The following TMEM117 variants were observed in gnomAD, a reference collection of about 807,000 sequenced individuals.
TMEM117 encodes the protein transmembrane protein 117.
Under a neutral mutation model 52.4 loss-of-function variants are expected in TMEM117, and 27 were observed. The ratio of observed to expected loss-of-function variants is 0.51; its 90% CI spans 0.38 to 0.71. The LOEUF is 0.71. TMEM117 is among the 30% of genes least tolerant of loss of function. The pLI is 0.00. For synonymous variants in TMEM117, 215 were observed against 206.3 expected (o/e 1.04, Z -0.36); for missense variants, 556 against 630.5 (o/e 0.88, Z 1.26).
rs188064887 is a variant in TMEM117, at chr12:44,129,382, G to A, written c.411-14143G>A. 1.5e-3 allele frequency among the ~76,000 whole-genome samples: 226 copies of A among 152,266 alleles called. 2 individuals are homozygous for A. Among genetic ancestry groups the A allele is most frequent in the African/African-American group, 5.1e-3 (212 of 41,524 alleles). ...AAGCCTGTGTGCTTCCCATCTTGGGGAGCAGATCTCCTCTTTTCCTCCCTG... is the reference window on the plus strand; with the variant it reads ...AAGCCTGTGTGCTTCCCATCTTGGGAAGCAGATCTCCTCTTTTCCTCCCTG... On this transcript the variant is annotated intron_variant, in intron 3 of 7. Coordinates refer to ENST00000266534, the MANE Select transcript of TMEM117 (RefSeq NM_032256.3).
intron 5 of TMEM117, among the ~76,000 whole-genome samples, chr12:44,237,736 CT>C (rs1316827146): frequency 1.3e-5 from 2 of 151,732 alleles, no homozygotes; most frequent in African/African-American, 4.8e-5. Context: ...AAAAACAAAA[CT>C]GGGACTATAG....
At chr12:43,837,510 C>A (rs539522976) in intron 1 of TMEM117, among the ~76,000 whole-genome samples, 1 of 152,152 alleles carries the variant, frequency 6.6e-6, no homozygotes, top group South Asian at 2.1e-4. Flanking sequence ...CCATGCCTGG[C>A]TAATTTTTGT....
intron 6 of TMEM117, among the ~76,000 whole-genome samples, chr12:44,358,878 C>G (rs1165563396): frequency 6.6e-6 from 1 of 152,052 alleles, no homozygotes; most frequent in Non-Finnish European, 1.5e-5. Flanking sequence ...TTAGTCCAAC[C>G]CATCTACTTG....
chr12:44,295,207 T>G (rs1302819859), intron 5 of TMEM117, among the ~76,000 whole-genome samples: 2 of 152,068 alleles, frequency 1.3e-5, no homozygotes, highest in African/African-American at 4.8e-5. Flanking sequence ...ATTGTATTTA[T>G]TTATTTATTT....
intron 7 of TMEM117, among the ~76,000 whole-genome samples, chr12:44,377,631 T>C (rs757837974): frequency 1.3e-5 from 2 of 152,194 alleles, no homozygotes; most frequent in Non-Finnish European, 2.9e-5. Context: ...AGCTGAATGA[T>C]CACAGATAAA....
the TMEM117 span, among the ~76,000 whole-genome samples, chr12:43,801,596 G>T: frequency 6.6e-6 from 1 of 152,068 alleles, no homozygotes; most frequent in South Asian, 2.1e-4. Flanking sequence ...TCACTTGAAT[G>T]GTAGCGATTA....
intron 3 of TMEM117, among the ~76,000 whole-genome samples, chr12:44,139,589 A>AT (rs1458075466): frequency 6.6e-6 from 1 of 152,108 alleles, no homozygotes; most frequent in African/African-American, 2.4e-5. Context: ...TTAAAAGCCT[A>AT]TATCAATGAT....
At chr12:44,358,945 A>G (rs1230344507) in intron 6 of TMEM117, among the ~76,000 whole-genome samples, 1 of 152,160 alleles carries the variant, frequency 6.6e-6, no homozygotes, top group African/African-American at 2.4e-5. Flanking sequence ...TATAATTATG[A>G]TGCATTGTTT....
intron 3 of TMEM117, among the ~76,000 whole-genome samples, chr12:44,118,639 G>A (rs1294953098): frequency 6.6e-6 from 1 of 152,170 alleles, no homozygotes; most frequent in East Asian, 1.9e-4. Context: ...GTAGAAATTG[G>A]TGAAAGTAAG....
chr12:43,918,951 G>A (rs1165255129), intron 2 of TMEM117, among the ~76,000 whole-genome samples: 5 of 152,080 alleles, frequency 3.3e-5, no homozygotes, highest in Non-Finnish European at 5.9e-5. Flanking sequence ...TATATACTCT[G>A]CTTTTTTGGT....
chr12:43,912,534 T>TATATAA (rs1239034268), intron 2 of TMEM117, among the ~76,000 whole-genome samples: 2 of 130,058 alleles, frequency 1.5e-5, no homozygotes, highest in African/African-American at 5.7e-5. Flanking sequence ...TATATATATA[T>TATATAA]ATGGCAGAAT....
chr12:44,184,741 T>C (rs1949253189), intron 4 of TMEM117, among the ~76,000 whole-genome samples: 1 of 152,200 alleles, frequency 6.6e-6, no homozygotes, highest in African/African-American at 2.4e-5. Context: ...CTGTTTCACT[T>C]TGTGGCTTTT....
intron 2 of TMEM117, among the ~76,000 whole-genome samples, chr12:43,923,027 T>TAG (rs1565752871): frequency 2.0e-5 from 3 of 152,222 alleles, no homozygotes; most frequent in Non-Finnish European, 4.4e-5. Flanking sequence ...GACACACCTC[T>TAG]GCTGGAGGAG....
intron 5 of TMEM117, among the ~76,000 whole-genome samples, chr12:44,273,104 A>G (rs925767251): frequency 6.6e-6 from 1 of 152,156 alleles, no homozygotes; most frequent in Non-Finnish European, 1.5e-5. Context: ...CATCATTCTC[A>G]GCAAACTATC....
chr12:44,375,142 C>T (rs771256610), intron 6 of TMEM117, among the ~76,000 whole-genome samples: 187 of 152,126 alleles, frequency 1.2e-3, no homozygotes, highest in Middle Eastern at 3.4e-3. Context: ...GTGTTATCAC[C>T]GATGCATCTT....
intron 3 of TMEM117, among the ~76,000 whole-genome samples, chr12:44,117,719 A>G (rs17094110): frequency 0.11 from 16,770 of 151,954 alleles, 2,498 homozygotes; most frequent in African/African-American, 0.34. Context: ...TATCATCTAT[A>G]TTTGACCTGG....
At chr12:43,891,239 T>C (rs1944097444) in intron 2 of TMEM117, among the ~76,000 whole-genome samples, 1 of 152,140 alleles carries the variant, frequency 6.6e-6, no homozygotes, top group South Asian at 2.1e-4. Context: ...TCAAGGTGCA[T>C]GGAATATGCC....
intron 3 of TMEM117, among the ~76,000 whole-genome samples, chr12:43,953,308 C>A (rs2137640675): frequency 6.6e-6 from 1 of 152,212 alleles, no homozygotes; most frequent in East Asian, 1.9e-4. Flanking sequence ...ATAATATTAA[C>A]CTGAAATGTA....
chr12:43,962,080 G>A (rs1945412780), intron 3 of TMEM117, among the ~76,000 whole-genome samples: 1 of 152,142 alleles, frequency 6.6e-6, no homozygotes, highest in African/African-American at 2.4e-5. Context: ...TCCTAAGGTA[G>A]CATCAGTGAC....
Sources: allele counts gnomAD v4.1 joint callset (sites outside exome capture counted in the v4.1 genomes callset), GRCh38; gene constraint gnomAD v4.1.1; transcripts MANE v1.5; gene names NCBI Gene and HGNC (gene_info 2026-07-23, HGNC 2026-07-21).